Variants in LIMCH1 observed in about 807,000 individuals in gnomAD.
LIMCH1 encodes the protein LIM and calponin homology domains-containing protein 1.
In LIMCH1, 113 loss-of-function variants were observed where a neutral mutation model predicts 176.5. The ratio of observed to expected loss-of-function variants is 0.64; its 90% CI spans 0.55 to 0.75. LIMCH1 has a LOEUF of 0.75. Ranked by LOEUF, LIMCH1 falls within the 30% of genes least tolerant of loss-of-function variation. The pLI is 0.00. For missense variants in LIMCH1, 1,674 were observed against 1,814.9 expected (o/e 0.92, Z 1.41); for synonymous variants, 619 against 645.9 (o/e 0.96, Z 0.63).
chr4:41,611,692 T>A lies in LIMCH1; in HGVS notation c.10-1774T>A, dbSNP rs369046805. 1.0e-3 allele frequency among the ~76,000 whole-genome samples: 159 copies of A among 152,334 alleles called. 1 individual carries two copies. The highest frequency in any genetic ancestry group is 3.7e-3 in the African/African-American group (153 of 41,582). ...GCTAACCATGTTTTAGGATGAGTGG[T>A]TGTGAGGATTAAATAACATAACATG... On this transcript the variant is annotated intron_variant, in intron 4 of 31. Transcript: ENST00000503057.
chr4:41,429,275 A>G (rs2061391680), intron 1 of LIMCH1, among the ~76,000 whole-genome samples: 1 of 151,670 alleles, frequency 6.6e-6, no homozygotes, highest in Non-Finnish European at 1.5e-5. Context: ...ACAAAGCAGC[A>G]TTTTTTTTCT....
chr4:41,609,596 A>T, intron 4 of LIMCH1: 1 of 451,002 alleles, frequency 2.2e-6, no homozygotes, highest in Non-Finnish European at 4.4e-6. Flanking sequence ...AGAAACTGTT[A>T]AGTCATCCAC....
At chr4:41,666,791 A>C in intron 21 of LIMCH1, 125 bp downstream of exon 21, 1 of 646,254 alleles carries the variant, frequency 1.5e-6, no homozygotes, top group African/African-American at 1.8e-5. Context: ...TGTTTGCCAG[A>C]GTCTGTGATA....
At chr4:41,371,299 T>G (rs1478804353) in intron 1 of LIMCH1, among the ~76,000 whole-genome samples, 1 of 152,196 alleles carries the variant, frequency 6.6e-6, no homozygotes, top group Non-Finnish European at 1.5e-5. Flanking sequence ...CCAAGCACAT[T>G]CTCTGAAACT....
At chr4:41,372,170 T>C (rs2054075197) in intron 1 of LIMCH1, among the ~76,000 whole-genome samples, 1 of 152,228 alleles carries the variant, frequency 6.6e-6, no homozygotes, top group African/African-American at 2.4e-5. Flanking sequence ...TCTCGGTCTT[T>C]CCTCACACCC....
intron 1 of LIMCH1, among the ~76,000 whole-genome samples, chr4:41,430,827 A>G (rs1207464769): frequency 1.3e-5 from 2 of 151,958 alleles, no homozygotes; most frequent in African/African-American, 2.4e-5. Context: ...TAACTTTTTT[A>G]TTACATGCTG....
chr4:41,540,975 G>C lies in LIMCH1; in HGVS notation c.-241+2625G>C, dbSNP rs557270844. Among the ~76,000 whole-genome samples the C allele has an allele frequency of 5.3e-5, 8 of 152,292 alleles. No homozygotes were observed. In the East Asian group the frequency reaches 1.5e-3, roughly 29 times the overall value. On this transcript the variant is annotated intron_variant, in intron 1 of 31. Transcript: ENST00000503057. Reference sequence around the variant, plus strand: ...AAGGAATGTTGAGTAGATCTAGAAGGATGAAGCTTTAAACTTAGCTCCCAA... The same window carrying C: ...AAGGAATGTTGAGTAGATCTAGAAGCATGAAGCTTTAAACTTAGCTCCCAA...
intron 1 of LIMCH1, among the ~76,000 whole-genome samples, chr4:41,417,063 A>T (rs2060003461): frequency 6.6e-6 from 1 of 151,928 alleles, no homozygotes; most frequent in African/African-American, 2.4e-5. Context: ...ACCCATCTTT[A>T]TGAGGGGTTA....
chr4:41,481,595 A>G (rs761060638), intron 1 of LIMCH1, among the ~76,000 whole-genome samples: 30 of 152,290 alleles, frequency 2.0e-4, no homozygotes, highest in Non-Finnish European at 4.1e-4. Flanking sequence ...TCAGGTGGCA[A>G]CTGCAGTTGT....
At chr4:41,627,647 A>G (rs575983382) in intron 8 of LIMCH1, among the ~76,000 whole-genome samples, 17 of 152,326 alleles carry the variant, frequency 1.1e-4, no homozygotes, top group Admixed American at 8.5e-4. Flanking sequence ...CCGTCCTCTT[A>G]ATACATGTTG....
chr4:41,676,614 A>T (rs2095227348), intron 23 of LIMCH1, 152 bp downstream of exon 23: 1 of 645,732 alleles, frequency 1.5e-6, no homozygotes, highest in African/African-American at 1.8e-5. Context: ...TGTCCTTGTA[A>T]CAGGGTACCC....
At position 41,409,951 on chromosome 4, in the gene LIMCH1, T is replaced by C. The variant is rs555455398; in HGVS notation, c.96+49015T>C. ...TATGCAATCATTTTGATTTAAATTC[T>C]TTAAAAACAAAAGAGAAAAACATGC... is the stretch of plus-strand genomic sequence containing the variant. On this transcript the variant is annotated intron_variant, in intron 1 of 26. Transcript: ENST00000313860. 3.3e-5 allele frequency among the ~76,000 whole-genome samples: 5 copies of C among 152,390 alleles called. No homozygotes were observed. In the East Asian group the frequency reaches 9.6e-4, roughly 29 times the overall value.
intron 1 of LIMCH1, among the ~76,000 whole-genome samples, chr4:41,462,794 C>CT (rs925254248): frequency 6.6e-6 from 1 of 152,062 alleles, no homozygotes; most frequent in Non-Finnish European, 1.5e-5. Context: ...GTCTGTTTGG[C>CT]TTTTTTTCCC....
At chr4:41,593,277 A>T (rs2088010404) in intron 1 of LIMCH1, among the ~76,000 whole-genome samples, 1 of 152,254 alleles carries the variant, frequency 6.6e-6, no homozygotes, top group Non-Finnish European at 1.5e-5. Context: ...TGGAAGTTAC[A>T]TAAACAGTGG....
At chr4:41,493,512 C>T (rs1367462028) in intron 1 of LIMCH1, among the ~76,000 whole-genome samples, 2 of 150,928 alleles carry the variant, frequency 1.3e-5, no homozygotes, top group Non-Finnish European at 2.9e-5. Context: ...AGTGTAACAA[C>T]TGTTTATATA....
intron 1 of LIMCH1, among the ~76,000 whole-genome samples, chr4:41,472,661 G>A (rs1212633513): frequency 1.3e-5 from 2 of 151,980 alleles, no homozygotes; most frequent in South Asian, 2.1e-4. Context: ...TAAAGCGATC[G>A]CCCACCTTGG....
At chr4:41,384,774 C>T (rs991157256) in intron 1 of LIMCH1, among the ~76,000 whole-genome samples, 2 of 152,138 alleles carry the variant, frequency 1.3e-5, no homozygotes, top group African/African-American at 2.4e-5. Flanking sequence ...TCTGATTATT[C>T]TGTAAGTACA....
At chr4:41,646,994 A>T (rs2094091389) in intron 17 of LIMCH1, 101 bp downstream of exon 17, 1 of 1,152,440 alleles carries the variant, frequency 8.7e-7, no homozygotes, top group Admixed American at 2.3e-5. Context: ...TTACCATACA[A>T]AAGAAAAATG....
At chr4:41,543,585 C>T (rs2078966832) in intron 1 of LIMCH1, among the ~76,000 whole-genome samples, 1 of 152,104 alleles carries the variant, frequency 6.6e-6, no homozygotes, top group Admixed American at 6.6e-5. Flanking sequence ...GAAATGTGTC[C>T]TCATGGTCAT....
Sources: allele counts gnomAD v4.1 joint callset (sites outside exome capture counted in the v4.1 genomes callset), GRCh38; gene constraint gnomAD v4.1.1; transcripts MANE v1.5; gene names NCBI Gene and HGNC (gene_info 2026-07-23, HGNC 2026-07-21).